Variants in KCNIP4 observed in about 807,000 individuals in gnomAD.
KCNIP4 encodes Kv channel-interacting protein 4.
A neutral mutation model predicts 34.0 loss-of-function variants in KCNIP4; 12 were observed. That is an observed-to-expected ratio of 0.35 (90% CI 0.23 to 0.57). The LOEUF (loss-of-function observed/expected upper bound fraction) is 0.57. Among genes scored for constraint, KCNIP4 ranks in the 20% least tolerant of loss-of-function variants. KCNIP4 has a pLI of 0.83. For missense variants in KCNIP4, 238 were observed against 311.7 expected (o/e 0.76, Z 1.78); for synonymous variants, 124 against 102.2 (o/e 1.21, Z -1.29).
intron 1 of KCNIP4, among the ~76,000 whole-genome samples, chr4:21,093,214 T>C (rs2109048836): frequency 6.6e-6 from 1 of 152,300 alleles, no homozygotes; most frequent in African/African-American, 2.4e-5. Context: ...CAGAGACTAC[T>C]AAACATCATT....
At chr4:21,243,825 G>C (rs1478650619) in intron 1 of KCNIP4, among the ~76,000 whole-genome samples, 3 of 152,122 alleles carry the variant, frequency 2.0e-5, no homozygotes, top group Non-Finnish European at 4.4e-5. Flanking sequence ...TGTTTCTTGA[G>C]AGAGCATATT....
intron 1 of KCNIP4, among the ~76,000 whole-genome samples, chr4:21,276,207 T>A (rs1185135792): frequency 6.6e-6 from 1 of 152,248 alleles, no homozygotes. Flanking sequence ...TGCCTGTGAA[T>A]GTGACCGTTT....
intron 5 of KCNIP4, among the ~76,000 whole-genome samples, chr4:20,736,072 T>A (rs1749559632): frequency 6.6e-6 from 1 of 152,234 alleles, no homozygotes; most frequent in Non-Finnish European, 1.5e-5. Flanking sequence ...CATTTAAAAA[T>A]TGTGTAAGCT....
intron 2 of KCNIP4, among the ~76,000 whole-genome samples, chr4:20,876,533 C>G (rs906016951): frequency 7.9e-5 from 12 of 152,206 alleles, no homozygotes; most frequent in African/African-American, 2.9e-4. Flanking sequence ...CACGAGCCAG[C>G]TGTCAGCCTC....
intron 1 of KCNIP4, among the ~76,000 whole-genome samples, chr4:20,987,024 T>C (rs1315238372): frequency 1.3e-5 from 2 of 152,130 alleles, no homozygotes; most frequent in Non-Finnish European, 2.9e-5. Context: ...CTGTGAGATT[T>C]TGTAAGGTGA....
At chr4:21,490,182 C>T (rs549523110) in intron 1 of KCNIP4, among the ~76,000 whole-genome samples, 82 of 152,032 alleles carry the variant, frequency 5.4e-4, no homozygotes, top group African/African-American at 1.8e-3. Context: ...TTTTCATAAA[C>T]TTATAGGTTG....
chr4:21,031,806 C>T (rs888301168), intron 1 of KCNIP4, among the ~76,000 whole-genome samples: 1 of 152,304 alleles, frequency 6.6e-6, no homozygotes, highest in African/African-American at 2.4e-5. Context: ...ACATCGCTAG[C>T]TTTTTGTTTT....
intron 1 of KCNIP4, among the ~76,000 whole-genome samples, chr4:20,923,329 T>C (rs1729587837): frequency 6.6e-6 from 1 of 152,236 alleles, no homozygotes; most frequent in Non-Finnish European, 1.5e-5. Flanking sequence ...CTTAATGAAC[T>C]CAATTATTGT....
At chr4:20,798,614 A>G (rs1461001543) in intron 3 of KCNIP4, among the ~76,000 whole-genome samples, 1 of 152,154 alleles carries the variant, frequency 6.6e-6, no homozygotes, top group Non-Finnish European at 1.5e-5. Flanking sequence ...GAGAATAGCA[A>G]AGAAGCAGCA....
chr4:21,072,718 C>T (rs1745082876), intron 1 of KCNIP4, among the ~76,000 whole-genome samples: 1 of 152,040 alleles, frequency 6.6e-6, no homozygotes, highest in African/African-American at 2.4e-5. Context: ...GAAGTCCTTG[C>T]CCATGCCTAT....
In KCNIP4 at chr4:20,967,792, A is replaced by T. The variant is rs549619060; in HGVS notation, c.62-85083T>A. On this transcript the variant is annotated intron_variant, in intron 1 of 8. Coordinates refer to ENST00000382152, the MANE Select transcript of KCNIP4 (RefSeq NM_025221.6). ...ACAAAAATTAACTCAAGATGGATTA[A>T]AGACTTAAATGTAAGACCTAAAACC... 3.9e-5 allele frequency among the ~76,000 whole-genome samples: 6 copies of T among 152,330 alleles called. No homozygotes were observed. In the East Asian group the frequency reaches 1.2e-3, roughly 29 times the overall value.
intron 1 of KCNIP4, among the ~76,000 whole-genome samples, chr4:21,342,776 C>T (rs919679265): frequency 1.1e-4 from 17 of 152,068 alleles, no homozygotes; most frequent in Non-Finnish European, 2.1e-4. Flanking sequence ...CTGCCACTTA[C>T]GTATATGCAC....
intron 1 of KCNIP4, among the ~76,000 whole-genome samples, chr4:21,491,621 C>G (rs967815406): frequency 6.6e-6 from 1 of 152,118 alleles, no homozygotes; most frequent in Non-Finnish European, 1.5e-5. Flanking sequence ...AATCCTCCTG[C>G]CTTGGCCTCC....
At chr4:21,356,550 T>G (rs1323801011) in intron 1 of KCNIP4, among the ~76,000 whole-genome samples, 6 of 152,100 alleles carry the variant, frequency 3.9e-5, no homozygotes, top group Non-Finnish European at 7.3e-5. Context: ...AAATCATGAG[T>G]GAACTCCCAT....
intron 1 of KCNIP4, among the ~76,000 whole-genome samples, chr4:21,340,935 G>A (rs187802360): frequency 6.6e-5 from 10 of 152,174 alleles, no homozygotes; most frequent in Middle Eastern, 3.4e-3. Context: ...TATTAACATC[G>A]GTGGGAACCT....
intron 1 of KCNIP4, among the ~76,000 whole-genome samples, chr4:21,383,514 A>C (rs992384218): frequency 4.2e-4 from 61 of 145,266 alleles, no homozygotes; most frequent in African/African-American, 1.5e-3. Flanking sequence ...AAAAAAAAAA[A>C]AAGAGGGTGG....
intron 1 of KCNIP4, among the ~76,000 whole-genome samples, chr4:20,938,199 G>GT (rs10715961): frequency 0.15 from 21,595 of 142,540 alleles, 2,070 homozygotes; most frequent in African/African-American, 0.29. Flanking sequence ...AATTTTGCTA[G>GT]TTTTTTTTTT....
At chr4:20,934,343 A>G (rs912049509) in intron 1 of KCNIP4, among the ~76,000 whole-genome samples, 1 of 152,144 alleles carries the variant, frequency 6.6e-6, no homozygotes, top group Non-Finnish European at 1.5e-5. Flanking sequence ...TTTCTCTCTT[A>G]AAGTTTAATA....
At position 20,972,762 on chromosome 4, in the gene KCNIP4, T is replaced by G. The variant is rs1735097780; in HGVS notation, c.62-90053A>C. Among the ~76,000 whole-genome samples the G allele has an allele frequency of 2.0e-5, 3 of 152,168 alleles. No homozygotes were observed. The South Asian group carries it at 6.2e-4, about 32-fold the overall frequency. ...AGGGGACCCGAGCAAGTTGCCTGAT[T>G]TAGCATAATTTTTAAGTCAGGCAAA... On this transcript the variant is annotated intron_variant, in intron 1 of 8. Transcript: ENST00000382152.
Sources: allele counts gnomAD v4.1 joint callset (sites outside exome capture counted in the v4.1 genomes callset), GRCh38; gene constraint gnomAD v4.1.1; transcripts MANE v1.5; gene names NCBI Gene and HGNC (gene_info 2026-07-23, HGNC 2026-07-21).